RTN4: variants seen among roughly 807,000 people sequenced by gnomAD.
RTN4 encodes the protein reticulon-4.
A neutral mutation model predicts 90.4 loss-of-function variants in RTN4; 32 were observed. The ratio of observed to expected loss-of-function variants is 0.35; its 90% CI spans 0.27 to 0.48. The LOEUF (loss-of-function observed/expected upper bound fraction) is 0.48. Among genes scored for constraint, RTN4 ranks in the 20% least tolerant of loss-of-function variants. The pLI is 0.99. For synonymous variants in RTN4, 629 were observed against 552.5 expected (o/e 1.14, Z -1.94); for missense variants, 1,706 against 1,430.2 (o/e 1.19, Z -3.11).
At chr2:55,010,124 T>G (rs1280378758) in intron 3 of RTN4, 5 of 1,613,566 alleles carry the variant, frequency 3.1e-6, no homozygotes, top group Non-Finnish European at 4.2e-6. Context: ...CGTCCATCTC[T>G]TGTCACGATC....
At chr2:54,976,642 A>T (rs758646180) in intron 5 of RTN4, among the ~76,000 whole-genome samples, 1 of 152,232 alleles carries the variant, frequency 6.6e-6, no homozygotes, top group Non-Finnish European at 1.5e-5. Flanking sequence ...AATAGTGGTT[A>T]AGTGTATTCA....
At chr2:55,052,222 GATAT>G (rs1226240428), upstream of RTN4, among the ~76,000 whole-genome samples, 3 of 152,134 alleles carry the variant, frequency 2.0e-5, no homozygotes, top group Non-Finnish European at 2.9e-5. Flanking sequence ...TTTAGTTAAT[GATAT>G]ATCAATATCA....
intron 3 of RTN4, among the ~76,000 whole-genome samples, chr2:55,000,920 ATGTTT>A (rs1021881443): frequency 6.6e-6 from 1 of 152,258 alleles, no homozygotes; most frequent in African/African-American, 2.4e-5. Context: ...GGAATAAACC[ATGTTT>A]TGTTTAAATT....
intron 1 of RTN4, among the ~76,000 whole-genome samples, chr2:55,040,969 G>C (rs1471758183): frequency 9.5e-5 from 14 of 147,400 alleles, no homozygotes; most frequent in Admixed American, 9.5e-4. Context: ...TTTTTGAAAA[G>C]TAGAGGGCCA....
intron 6 of RTN4, among the ~76,000 whole-genome samples, chr2:54,974,342 C>T (rs983024333): frequency 3.3e-5 from 5 of 152,216 alleles, no homozygotes; most frequent in Admixed American, 6.5e-5. Context: ...TGCAATGGCA[C>T]GATCTCCGCT....
intron 6 of RTN4, 60 bp from the exon 7 acceptor site, chr2:54,973,927 C>A: frequency 1.4e-6 from 2 of 1,418,564 alleles, no homozygotes; most frequent in Admixed American, 1.9e-5. Context: ...GGAATAAACA[C>A]TCAAAAAACT....
At chr2:55,038,392 T>A (rs1405278401) in intron 1 of RTN4, among the ~76,000 whole-genome samples, 1 of 152,092 alleles carries the variant, frequency 6.6e-6, no homozygotes, top group Non-Finnish European at 1.5e-5. Context: ...AGATTTGTAT[T>A]CATAATATAT....
chr2:55,115,124 T>C (rs1322410841), upstream of RTN4, among the ~76,000 whole-genome samples: 1 of 152,222 alleles, frequency 6.6e-6, no homozygotes, highest in African/African-American at 2.4e-5. Context: ...TTTATATAAC[T>C]AGTTACTACA....
At chr2:55,060,094 T>C (rs748475872) in intron 2 of RTN4, among the ~76,000 whole-genome samples, 3 of 151,922 alleles carry the variant, frequency 2.0e-5, no homozygotes, top group African/African-American at 7.3e-5. Context: ...CCCACAGCAG[T>C]AGTAGGAGAA....
chr2:55,099,585 G>T (rs1413126268), intron 1 of RTN4, among the ~76,000 whole-genome samples: 2 of 151,958 alleles, frequency 1.3e-5, no homozygotes. Flanking sequence ...GGGATTTGGG[G>T]GTGCTCTTTG....
At chr2:54,997,242 G>A (rs1323700317) in intron 3 of RTN4, among the ~76,000 whole-genome samples, 1 of 152,020 alleles carries the variant, frequency 6.6e-6, no homozygotes, top group Non-Finnish European at 1.5e-5. Flanking sequence ...TGGCCAATAA[G>A]CACATGAAAA....
At chr2:55,057,268 A>G (rs572678376) in intron 2 of RTN4, among the ~76,000 whole-genome samples, 2 of 152,322 alleles carry the variant, frequency 1.3e-5, no homozygotes, top group South Asian at 4.1e-4. Flanking sequence ...GATATGATGT[A>G]TGCGGATTTT....
chr2:55,135,817 G>C, the RTN4 span, among the ~76,000 whole-genome samples: 1 of 152,168 alleles, frequency 6.6e-6, no homozygotes, highest in Non-Finnish European at 1.5e-5. Flanking sequence ...AAATTATACA[G>C]TAATATATAT....
At chr2:55,128,924 C>T in the RTN4 span, among the ~76,000 whole-genome samples, 5 of 151,402 alleles carry the variant, frequency 3.3e-5, no homozygotes, top group South Asian at 2.1e-4. Context: ...CTGACCAACA[C>T]GGTGAAACCC....
At chr2:55,042,271 T>C (rs889215227) in intron 1 of RTN4, among the ~76,000 whole-genome samples, 27 of 152,162 alleles carry the variant, frequency 1.8e-4, no homozygotes, top group African/African-American at 6.5e-4. Flanking sequence ...GAAGCAGTAA[T>C]TCTACTTGCA....
upstream of RTN4, chr2:55,050,668 G>C (rs947423370): frequency 5.7e-6 from 1 of 176,568 alleles, no homozygotes; most frequent in African/African-American, 2.4e-5. The surrounding 1 kb of genome is among the most constrained non-coding windows in gnomAD (Gnocchi z 4.6). Flanking sequence ...CCAACAGAAA[G>C]GGAAGGAGAT....
chr2:54,974,244 G>C (rs760862155), intron 6 of RTN4: 2 of 237,406 alleles, frequency 8.4e-6, no homozygotes, highest in African/African-American at 2.3e-5. Context: ...TCAATAAACC[G>C]GGAAGCAGTA....
At chr2:55,136,054 A>G in the RTN4 span, among the ~76,000 whole-genome samples, 3 of 152,170 alleles carry the variant, frequency 2.0e-5, no homozygotes, top group Non-Finnish European at 4.4e-5. Context: ...GTCTCTCTAA[A>G]ATAATAATTG....
chr2:55,007,209 C>T (rs75002848), intron 3 of RTN4, among the ~76,000 whole-genome samples: 8,842 of 152,160 alleles, frequency 0.058, 403 homozygotes, highest in Non-Finnish European at 0.084. Context: ...GCCAAGTATT[C>T]CTTCCTTGAA....
Sources: gnomAD v4.1 joint callset for allele counts (sites outside exome capture counted in the v4.1 genomes callset) on GRCh38, gnomAD v4.1.1 for gene constraint, Gnocchi (gnomAD v3.1) non-coding constraint, MANE v1.5 for transcripts, NCBI Gene and HGNC (gene_info 2026-07-23, HGNC 2026-07-21) for gene names.